CCDC198: variants seen among roughly 807,000 people sequenced by gnomAD.
CCDC198 encodes coiled-coil domain containing 198.
In CCDC198, 18 loss-of-function variants were observed where a neutral mutation model predicts 35.6. The ratio of observed to expected loss-of-function variants is 0.51; its 90% CI spans 0.35 to 0.75. CCDC198 has a LOEUF of 0.75. CCDC198 is among the 30% of genes least tolerant of loss of function. The probability of loss-of-function intolerance (pLI) is 0.01; values close to 1 mark genes in which losing one functional copy is unlikely to be tolerated. For missense variants in CCDC198, 365 were observed against 343.7 expected, an observed-to-expected ratio of 1.06 and a Z score of -0.49; for synonymous variants, 119 against 113.4, an observed-to-expected ratio of 1.05 and a Z score of -0.31.
intron 3 of CCDC198, 37 bp from the exon 4 acceptor site, chr14:57,481,697 T>C: frequency 7.6e-7 from 1 of 1,311,150 alleles, no homozygotes. Flanking sequence ...ATGGGGTAAT[T>C]TGTTACTGAC....
At position 57,493,741 on chromosome 14, in the gene CCDC198, A is replaced by G; in HGVS notation, c.-26T>C. ...TTCATGTGAAAGACATTCAGAGGAA[A>G]GCTGCGAGGGAAGTGGTTTTGGGGT... On this transcript the variant is annotated 5_prime_UTR_variant, in exon 1 of 6. Transcript: ENST00000216445. The G allele has an allele frequency of 6.4e-7, 1 of 1,570,522 alleles. No individual in the cohort carries two copies. The highest frequency in any genetic ancestry group is 1.3e-5 in the African/African-American group (1 of 74,358).
chr14:57,486,242 G>A (rs1165965183), intron 2 of CCDC198, among the ~76,000 whole-genome samples: 2 of 152,162 alleles, frequency 1.3e-5, no homozygotes, highest in African/African-American at 2.4e-5. Flanking sequence ...AGCCATTACT[G>A]CACGCCATGC....
intron 1 of CCDC198, 37 bp downstream of exon 1, chr14:57,493,456 C>A: frequency 6.5e-7 from 1 of 1,529,110 alleles, no homozygotes; most frequent in South Asian, 1.1e-5. Context: ...GCTCCTTGGT[C>A]CAGATACACA....
At chr14:57,487,561 C>T (rs2067407314) in intron 2 of CCDC198, among the ~76,000 whole-genome samples, 1 of 152,098 alleles carries the variant, frequency 6.6e-6, no homozygotes, top group Non-Finnish European at 1.5e-5. Context: ...CTAATCAACT[C>T]CTCAATAAAA....
At chr14:57,483,352 G>T in intron 2 of CCDC198, 1 of 679,836 alleles carries the variant, frequency 1.5e-6, no homozygotes, top group Non-Finnish European at 2.4e-6. Flanking sequence ...TATTATTCTA[G>T]TGCACTGTCG....
Position 57,481,607 on chromosome 14 carries a change from T to G in CCDC198, c.447A>C (p.Gln149His). The change falls in exon 4 of 6, where the codon CAA becomes CAC. Residue 149 changes from glutamine (Q) to histidine (H), a missense_variant. Transcript: ENST00000216445. ...QTPMYTSENR[Q>H]YLHKMQVLEM... ...CCAGCACTTGCATCTTATGCAAATATTGTCTGTTCTCAGAAGTATACATTG... is the reference window on the plus strand; with the variant it reads ...CCAGCACTTGCATCTTATGCAAATAGTGTCTGTTCTCAGAAGTATACATTG... The G allele has an allele frequency of 6.2e-7, 1 of 1,612,782 alleles. No homozygotes were observed. The highest frequency in any genetic ancestry group is 8.5e-7 in the Non-Finnish European group (1 of 1,179,558).
At position 57,493,696 on chromosome 14, in the gene CCDC198, T is replaced by G; in HGVS notation, c.20A>C (p.Lys7Thr). MGLSHS[K>T]THLRVIKVAP... is the part of the protein sequence containing the mutation. ...TACTTTGATCACCCTAAGGTGAGTC[T>G]TAGAGTGACTCAGGCCCATTTCATG... The change falls in exon 1 of 6, where the codon AAG (lysine) becomes ACG (threonine). Residue 7 changes from lysine to threonine, a missense_variant. Coordinates refer to ENST00000216445, the MANE Select transcript of CCDC198 (RefSeq NM_018168.4). 1 of 1,613,150 alleles carries G rather than the reference T, an allele frequency of 6.2e-7. No individual in the cohort carries two copies. The highest frequency in any genetic ancestry group is 8.5e-7 in the Non-Finnish European group (1 of 1,179,448).
Position 57,493,616 on chromosome 14 carries a change from C to A in CCDC198, c.100G>T (p.Ala34Ser). 1.2e-6 allele frequency: 2 copies of A among 1,613,980 alleles called. No homozygotes were observed. The highest frequency in any genetic ancestry group is 1.7e-5 in the Admixed American group (1 of 59,972). ...ETPSAGRVDF[A>S]FNQNLEEKTS... ...TTTTCTTCCAAATTCTGATTGAATG[C>A]AAAGTCCACACGGCCAGCCGAGGGA... Residue 34 changes from alanine to serine, a missense_variant, in exon 1 of 6, where the codon GCA (alanine) becomes TCA (serine). Ala to Ser is a moderately conservative substitution (Grantham distance 99). Transcript: ENST00000216445.
At chr14:57,481,976 A>G (rs569427086) in intron 3 of CCDC198, among the ~76,000 whole-genome samples, 5 of 152,288 alleles carry the variant, frequency 3.3e-5, no homozygotes, top group African/African-American at 1.2e-4. Context: ...GATGCTTATT[A>G]CCACCTCTCC....
At chr14:57,484,443 C>T (rs1371229654) in intron 2 of CCDC198, among the ~76,000 whole-genome samples, 1 of 152,130 alleles carries the variant, frequency 6.6e-6, no homozygotes, top group Non-Finnish European at 1.5e-5. Flanking sequence ...AGATCTTCCT[C>T]ACAGGCCTCA....
chr14:57,490,251 A>G (rs1305382152), intron 2 of CCDC198, among the ~76,000 whole-genome samples: 1 of 152,124 alleles, frequency 6.6e-6, no homozygotes, highest in African/African-American at 2.4e-5. Flanking sequence ...GCTCATTTTC[A>G]AGGACCACTC....
At chr14:57,484,117 A>AG (rs1352908805) in intron 2 of CCDC198, among the ~76,000 whole-genome samples, 14 of 152,222 alleles carry the variant, frequency 9.2e-5, no homozygotes, top group Non-Finnish European at 2.1e-4. Context: ...AGGGTGTGTT[A>AG]GGGGTTGAAT....
intron 5 of CCDC198, chr14:57,478,851 G>C: frequency 8.7e-7 from 1 of 1,145,846 alleles, no homozygotes; most frequent in Non-Finnish European, 1.1e-6. Context: ...AGTAGGAGCA[G>C]TGTCTCTTTC....
intron 2 of CCDC198, among the ~76,000 whole-genome samples, chr14:57,488,388 T>C (rs139265513): frequency 6.6e-6 from 1 of 152,316 alleles, no homozygotes; most frequent in Admixed American, 6.5e-5. Context: ...CATGTTACAG[T>C]GATGGTACAG....
At position 57,491,186 on chromosome 14, in the gene CCDC198, T is replaced by C. The variant is rs1841761969; in HGVS notation, c.224-115A>G. ...ACAATTTTGTACCTTTTCAGTTATATATGTCTAACCTGTGGGTTGAATGTG... is the reference window on the plus strand; with the variant it reads ...ACAATTTTGTACCTTTTCAGTTATACATGTCTAACCTGTGGGTTGAATGTG... On this transcript the variant is annotated intron_variant, in intron 1 of 5. Transcript: ENST00000216445. 1.8e-5 allele frequency: 18 copies of C among 1,019,388 alleles called. No individual in the cohort carries two copies. In the South Asian group the frequency reaches 2.6e-4, roughly 15 times the overall value. The allele number at this position is 1,019,388 out of a possible 1,614,324, so 63.1% of individuals were successfully genotyped here.
chr14:57,480,209 A>G (rs2139499603), intron 5 of CCDC198: 6 of 921,358 alleles, frequency 6.5e-6, no homozygotes, highest in Middle Eastern at 5.6e-4. Flanking sequence ...AAGTGTCTGC[A>G]TATGGTACCA....
intron 5 of CCDC198, chr14:57,478,832 G>T: frequency 2.7e-6 from 3 of 1,126,888 alleles, no homozygotes; most frequent in Non-Finnish European, 3.3e-6. Context: ...CGAGCGTCTT[G>T]TTTCTCCAAG....
At chr14:57,478,873 T>A in intron 5 of CCDC198, 4 of 1,153,410 alleles carry the variant, frequency 3.5e-6, no homozygotes, top group Non-Finnish European at 4.4e-6. Context: ...GCAGGCAATT[T>A]TGCGTCTTAG....
chr14:57,479,294 G>A (rs1375111469), intron 5 of CCDC198, among the ~76,000 whole-genome samples: 1 of 152,088 alleles, frequency 6.6e-6, no homozygotes, highest in Admixed American at 6.6e-5. Flanking sequence ...TGTTATGTTG[G>A]CCAGGCTAGG....
Sources: allele counts gnomAD v4.1 joint callset (sites outside exome capture counted in the v4.1 genomes callset), GRCh38; gene constraint gnomAD v4.1.1; transcripts MANE v1.5; gene names NCBI Gene and HGNC (gene_info 2026-07-23, HGNC 2026-07-21).